PDS5B: variants seen among roughly 807,000 people sequenced by gnomAD.
PDS5B encodes sister chromatid cohesion protein PDS5 homolog B.
Under a neutral mutation model 184.1 loss-of-function variants are expected in PDS5B, and 51 were observed. That is an observed-to-expected ratio of 0.28 (90% CI 0.22 to 0.35). The LOEUF is 0.35. Among genes scored for constraint, PDS5B ranks in the 10% least tolerant of loss-of-function variants. The pLI is 1.00. For missense variants in PDS5B, 1,180 were observed against 1,723.3 expected, an observed-to-expected ratio of 0.68 and a Z score of 5.58; for synonymous variants, 566 against 569.2, an observed-to-expected ratio of 0.99 and a Z score of 0.08.
intron 1 of PDS5B, among the ~76,000 whole-genome samples, 158 bp from the exon 2 acceptor site, chr13:32,648,596 A>G (rs969572776): frequency 6.6e-6 from 1 of 152,162 alleles, no homozygotes; most frequent in South Asian, 2.1e-4. Flanking sequence ...AATTTGGGGA[A>G]ATGTTCAATA....
At chr13:32,714,638 G>A (rs924602361) in intron 19 of PDS5B, among the ~76,000 whole-genome samples, 29 of 152,142 alleles carry the variant, frequency 1.9e-4, no homozygotes, top group African/African-American at 5.6e-4. Context: ...AGAATTCAGC[G>A]ATATTTCTCC....
chr13:32,712,151 AC>A (rs770773572), intron 19 of PDS5B, among the ~76,000 whole-genome samples: 20 of 152,192 alleles, frequency 1.3e-4, no homozygotes, highest in Non-Finnish European at 2.1e-4. Flanking sequence ...TTCCCTAGTA[AC>A]TTTTATATTT....
chr13:32,733,878 A>G (rs970406118), intron 20 of PDS5B, among the ~76,000 whole-genome samples: 5 of 151,918 alleles, frequency 3.3e-5, no homozygotes, highest in African/African-American at 1.2e-4. Flanking sequence ...AGGGCATGTA[A>G]ATATGCACGT....
At chr13:32,630,199 A>T (rs2058433510) in intron 1 of PDS5B, among the ~76,000 whole-genome samples, 1 of 152,116 alleles carries the variant, frequency 6.6e-6, no homozygotes, top group Non-Finnish European at 1.5e-5. Context: ...ATGCATGCAA[A>T]CTCTGTATAC....
At chr13:32,770,838 T>C in intron 33 of PDS5B, 77 bp downstream of exon 33, 1 of 1,064,024 alleles carries the variant, frequency 9.4e-7, no homozygotes. Context: ...ACATACATAT[T>C]GCTGTATTTA....
intron 14 of PDS5B, among the ~76,000 whole-genome samples, chr13:32,695,676 G>A (rs1046882157): frequency 1.3e-5 from 2 of 152,030 alleles, no homozygotes; most frequent in Non-Finnish European, 2.9e-5. Flanking sequence ...AGCATGATGT[G>A]TGAGATTGTA....
intron 30 of PDS5B, among the ~76,000 whole-genome samples, chr13:32,762,670 C>CT (rs1313282727): frequency 6.6e-6 from 1 of 151,338 alleles, no homozygotes; most frequent in Non-Finnish European, 1.5e-5. Context: ...GTGTTTGACT[C>CT]TTCCCCCCTC....
At chr13:32,658,947 GA>G (rs1950580171) in intron 5 of PDS5B, among the ~76,000 whole-genome samples, 1 of 152,016 alleles carries the variant, frequency 6.6e-6, no homozygotes, top group South Asian at 2.1e-4. Context: ...AAAAATTAGG[GA>G]AAAATCTAAG....
intron 1 of PDS5B, among the ~76,000 whole-genome samples, chr13:32,620,611 T>C (rs1466590819): frequency 1.3e-5 from 2 of 150,432 alleles, no homozygotes; most frequent in African/African-American, 4.9e-5. Flanking sequence ...GAGCCGAGAT[T>C]GTGCCACTGC....
chr13:32,603,567 T>C (rs954130615), intron 1 of PDS5B, among the ~76,000 whole-genome samples: 6 of 152,248 alleles, frequency 3.9e-5, no homozygotes, highest in African/African-American at 1.4e-4. Flanking sequence ...TAGGATTGTC[T>C]TGGCAATGTG....
chr13:32,625,868 C>T (rs1378478667), intron 1 of PDS5B, among the ~76,000 whole-genome samples: 9 of 144,924 alleles, frequency 6.2e-5, no homozygotes, highest in Admixed American at 2.1e-4. Context: ...GACAGGGTCT[C>T]GCTTTGTTGC....
chr13:32,624,727 T>G, intron 1 of PDS5B, among the ~76,000 whole-genome samples: 1 of 152,166 alleles, frequency 6.6e-6, no homozygotes, highest in East Asian at 1.9e-4. Context: ...CCACAGAAGA[T>G]TTCAGTTTGC....
intron 1 of PDS5B, among the ~76,000 whole-genome samples, chr13:32,624,955 G>A (rs570740883): frequency 6.6e-6 from 1 of 151,980 alleles, no homozygotes; most frequent in Non-Finnish European, 1.5e-5. Context: ...GTTGGGTGTC[G>A]GTAGGTTCTG....
rs1005019550 is a variant in PDS5B at position 32,764,364 on chromosome 13, T to A, written c.3519-125T>A. The A allele has an allele frequency of 4.1e-5, 18 of 442,632 alleles. No homozygotes were observed. The Admixed American group carries it at 7.8e-4, about 19-fold the overall frequency. The allele number at this position is 442,632 out of a possible 1,614,324, so 27.4% of individuals were successfully genotyped here. The stretch of plus-strand genomic sequence containing the variant: ...TGAGTTGGTACCAAATATGGTAGAA[T>A]GAAACTGATTCATTTTTGAAAAGAA... On this transcript the variant is annotated intron_variant, in intron 30 of 34. Coordinates refer to ENST00000315596, the MANE Select transcript of PDS5B (RefSeq NM_015032.4).
chr13:32,641,699 A>G (rs1427877344), intron 1 of PDS5B, among the ~76,000 whole-genome samples: 3 of 152,144 alleles, frequency 2.0e-5, no homozygotes, highest in African/African-American at 7.2e-5. Context: ...GTATTTCATT[A>G]AGGTTTAGTG....
At chr13:32,717,640 T>C (rs1312707602) in intron 19 of PDS5B, among the ~76,000 whole-genome samples, 4 of 131,182 alleles carry the variant, frequency 3.0e-5, no homozygotes, top group Admixed American at 8.3e-5. Context: ...TATTGTCCTA[T>C]GACCCTGCCA....
chr13:32,628,708 CACAT>C (rs1566260272), intron 1 of PDS5B, among the ~76,000 whole-genome samples: 1 of 152,034 alleles, frequency 6.6e-6, no homozygotes, highest in Non-Finnish European at 1.5e-5. Context: ...CGTGTGCACA[CACAT>C]ACACACTTGA....
At chr13:32,652,145 GT>G (rs34522910) in intron 3 of PDS5B, 138 bp downstream of exon 3, 37,818 of 464,032 alleles carry the variant, frequency 0.081, 562 homozygotes, top group African/African-American at 0.18. Flanking sequence ...TAAACTTAAT[GT>G]TTTTTTTTTT....
At chr13:32,695,622 T>C (rs1419653697) in intron 14 of PDS5B, among the ~76,000 whole-genome samples, 2 of 152,160 alleles carry the variant, frequency 1.3e-5, no homozygotes, top group Non-Finnish European at 2.9e-5. Flanking sequence ...GAAATCATAA[T>C]AACATCCAGG....
Sources: allele counts gnomAD v4.1 joint callset (sites outside exome capture counted in the v4.1 genomes callset), GRCh38; gene constraint gnomAD v4.1.1; transcripts MANE v1.5; gene names NCBI Gene and HGNC (gene_info 2026-07-23, HGNC 2026-07-21).